THSD7B: variants seen among roughly 807,000 people sequenced by gnomAD.
The protein encoded by THSD7B is thrombospondin type 1 domain containing 7B, also known as thrombospondin type-1 domain-containing protein 7B.
Under a neutral mutation model 213.6 loss-of-function variants are expected in THSD7B, and 138 were observed. The ratio of observed to expected loss-of-function variants is 0.65; its 90% CI spans 0.56 to 0.74. The LOEUF is 0.74. Among genes scored for constraint, THSD7B ranks in the 30% least tolerant of loss-of-function variants. THSD7B has a pLI of 0.00. For synonymous variants in THSD7B, 742 were observed against 687.0 expected (o/e 1.08, Z -1.25); for missense variants, 1,931 against 1,991.5 (o/e 0.97, Z 0.58).
At chr2:137,302,054 C>T (rs897438374) in intron 12 of THSD7B, among the ~76,000 whole-genome samples, 3 of 151,908 alleles carry the variant, frequency 2.0e-5, no homozygotes, top group Admixed American at 6.6e-5. Context: ...TGTCATTAGA[C>T]GTAAGAAAGG....
At chr2:137,261,786 C>T (rs1682457715) in intron 10 of THSD7B, among the ~76,000 whole-genome samples, 1 of 151,882 alleles carries the variant, frequency 6.6e-6, no homozygotes, top group South Asian at 2.1e-4. Context: ...GTTTTACAAC[C>T]ACCTCCAAAA....
intron 3 of THSD7B, among the ~76,000 whole-genome samples, chr2:137,082,599 A>G (rs561988135): frequency 3.3e-5 from 5 of 152,252 alleles, no homozygotes; most frequent in African/African-American, 7.2e-5. Flanking sequence ...TGGCCATTCT[A>G]CAATTTTGCC....
At chr2:137,413,899 G>T (rs1369312672) in intron 14 of THSD7B, among the ~76,000 whole-genome samples, 1 of 152,120 alleles carries the variant, frequency 6.6e-6, no homozygotes. Context: ...AAGACATGAT[G>T]GTAGGTTAGA....
intron 2 of THSD7B, among the ~76,000 whole-genome samples, chr2:136,883,338 A>G (rs1683656899): frequency 2.8e-5 from 1 of 35,666 alleles, no homozygotes; most frequent in Non-Finnish European, 7.6e-5. Flanking sequence ...AAAGTCTATT[A>G]AGTAAAAAAA....
intron 10 of THSD7B, among the ~76,000 whole-genome samples, chr2:137,262,554 C>A (rs1030804598): frequency 6.6e-6 from 1 of 152,072 alleles, no homozygotes; most frequent in African/African-American, 2.4e-5. Context: ...TGTTATTAAC[C>A]TTCCTTGTTT....
chr2:136,896,539 T>C (rs771167434), intron 2 of THSD7B, among the ~76,000 whole-genome samples: 1 of 152,162 alleles, frequency 6.6e-6, no homozygotes, highest in Non-Finnish European at 1.5e-5. Flanking sequence ...GCAAAAGTTT[T>C]GTATTCTTAT....
At chr2:137,564,134 T>G (rs1389274856) in intron 16 of THSD7B, among the ~76,000 whole-genome samples, 2 of 152,196 alleles carry the variant, frequency 1.3e-5, no homozygotes, top group East Asian at 3.9e-4. Flanking sequence ...TGCACATGCA[T>G]AGTGTATTAT....
intron 3 of THSD7B, among the ~76,000 whole-genome samples, chr2:137,063,502 C>T (rs961984897): frequency 1.3e-5 from 2 of 151,948 alleles, no homozygotes; most frequent in African/African-American, 4.8e-5. Context: ...TATTTATCAC[C>T]TCAAGCATTT....
chr2:136,965,469 G>A (rs1017527544), intron 2 of THSD7B, among the ~76,000 whole-genome samples: 4 of 152,196 alleles, frequency 2.6e-5, no homozygotes, highest in Admixed American at 2.0e-4. Context: ...AGGAGAGGAA[G>A]GAGCAAGCCA....
At chr2:137,242,662 C>T (rs1681939180) in intron 10 of THSD7B, 90 bp downstream of exon 10, 1 of 867,672 alleles carries the variant, frequency 1.2e-6, no homozygotes, top group Non-Finnish European at 1.8e-6. Context: ...AATGTGAGCA[C>T]CTTTTTTTTT....
At chr2:137,546,677 CTGT>C (rs971473829) in intron 15 of THSD7B, among the ~76,000 whole-genome samples, 1 of 147,572 alleles carries the variant, frequency 6.8e-6, no homozygotes, top group African/African-American at 2.5e-5. Context: ...CAGAGAAAGG[CTGT>C]TGTTTGTACA....
At chr2:136,956,037 GAAAA>G (rs397985964) in intron 2 of THSD7B, among the ~76,000 whole-genome samples, 21 of 126,666 alleles carry the variant, frequency 1.7e-4, no homozygotes, top group South Asian at 5.2e-4. Context: ...AAAAAAAAAA[GAAAA>G]AAAAAAAAAA....
chr2:136,814,395 T>TTTA (rs907904329), intron 1 of THSD7B, among the ~76,000 whole-genome samples: 17 of 151,944 alleles, frequency 1.1e-4, no homozygotes, highest in Non-Finnish European at 2.2e-4. Context: ...TTCTTTTTAT[T>TTTA]TTATTATTAT....
intron 2 of THSD7B, among the ~76,000 whole-genome samples, chr2:137,020,187 A>G (rs1686416861): frequency 6.6e-6 from 1 of 152,174 alleles, no homozygotes; most frequent in Non-Finnish European, 1.5e-5. Flanking sequence ...AGACCCTACT[A>G]AAAGTAGATG....
intron 21 of THSD7B, among the ~76,000 whole-genome samples, chr2:137,642,968 CT>C (rs1287734276): frequency 2.6e-5 from 4 of 152,146 alleles, no homozygotes; most frequent in African/African-American, 9.7e-5. Flanking sequence ...AATCCTGATG[CT>C]GTGAAAATGC....
intron 17 of THSD7B, among the ~76,000 whole-genome samples, chr2:137,609,289 A>G (rs1337310172): frequency 3.3e-5 from 5 of 152,226 alleles, no homozygotes; most frequent in African/African-American, 1.2e-4. Context: ...TGAGGTAGCG[A>G]TAAATGATAT....
At chr2:137,308,875 G>T (rs992425545) in intron 12 of THSD7B, among the ~76,000 whole-genome samples, 2 of 151,810 alleles carry the variant, frequency 1.3e-5, no homozygotes, top group African/African-American at 4.8e-5. Context: ...CTTATTTATT[G>T]GTACAAAGCT....
intron 12 of THSD7B, among the ~76,000 whole-genome samples, chr2:137,316,769 AGAAAAAG>A (rs1168768763): frequency 2.9e-5 from 3 of 102,346 alleles, no homozygotes; most frequent in Non-Finnish European, 3.9e-5. Flanking sequence ...AAAAAAAAAA[AGAAAAAG>A]AAAAAAAAAG....
At chr2:137,027,989 A>T (rs79384843) in intron 2 of THSD7B, among the ~76,000 whole-genome samples, 1 of 152,352 alleles carries the variant, frequency 6.6e-6, no homozygotes, top group East Asian at 1.9e-4. Flanking sequence ...GCACATAATA[A>T]GCATTCAGTA....
Sources: gnomAD v4.1 joint callset for allele counts (sites outside exome capture counted in the v4.1 genomes callset) on GRCh38, gnomAD v4.1.1 for gene constraint, MANE v1.5 for transcripts, NCBI Gene and HGNC (gene_info 2026-07-23, HGNC 2026-07-21) for gene names.